The following KHDRBS2 variants were observed in gnomAD, a reference collection of about 807,000 sequenced individuals.
KHDRBS2 encodes KH domain-containing, RNA-binding, signal transduction-associated protein 2.
Under a neutral mutation model 44.3 loss-of-function variants are expected in KHDRBS2, and 26 were observed. The observed-to-expected ratio is 0.59, with a 90% CI of 0.43 to 0.81. The LOEUF (loss-of-function observed/expected upper bound fraction) is 0.81. Among genes scored for constraint, KHDRBS2 ranks in the 40% least tolerant of loss-of-function variants. The pLI, the probability that KHDRBS2 is intolerant of heterozygous loss-of-function variation, is 0.00. For missense variants in KHDRBS2, 476 were observed against 433.1 expected (o/e 1.10, Z -0.88); for synonymous variants, 194 against 151.1 (o/e 1.28, Z -2.08).
At chr6:62,020,845 A>G (rs554599688) in intron 3 of KHDRBS2, among the ~76,000 whole-genome samples, 1 of 152,104 alleles carries the variant, frequency 6.6e-6, no homozygotes, top group African/African-American at 2.4e-5. Context: ...TCAGAGGCTT[A>G]AAACAGAACT....
At chr6:61,859,208 G>A (rs747440657) in intron 6 of KHDRBS2, among the ~76,000 whole-genome samples, 1 of 151,880 alleles carries the variant, frequency 6.6e-6, no homozygotes, top group Non-Finnish European at 1.5e-5. Context: ...ATTCTGGAAA[G>A]TATGTTAATG....
the KHDRBS2 span, among the ~76,000 whole-genome samples, chr6:61,568,718 T>C: frequency 6.6e-6 from 1 of 152,114 alleles, no homozygotes; most frequent in East Asian, 1.9e-4. Flanking sequence ...GTGTGAAATA[T>C]AAAAGTAGAA....
intron 4 of KHDRBS2, among the ~76,000 whole-genome samples, chr6:61,932,665 TGGTGGGCACCTGTATTCCCAGCTACTC>T (rs1438919950): frequency 6.6e-6 from 1 of 152,066 alleles, no homozygotes; most frequent in Non-Finnish European, 1.5e-5. Context: ...CCGGGCGTGG[TGGTGGGCACCTGTATTCCCAGCTACTC>T]GGGAGGCAGG....
chr6:61,630,749 T>C, the KHDRBS2 span, among the ~76,000 whole-genome samples: 1 of 152,126 alleles, frequency 6.6e-6, no homozygotes, highest in East Asian at 1.9e-4. Context: ...GGGAAAGATT[T>C]CATCACATTG....
chr6:62,008,965 C>A (rs1053755250), intron 3 of KHDRBS2, among the ~76,000 whole-genome samples: 2 of 151,866 alleles, frequency 1.3e-5, no homozygotes, highest in African/African-American at 2.4e-5. Context: ...TAAATTGGTG[C>A]CAGTAGAGTG....
rs1776519434 is a variant in KHDRBS2, at chr6:61,993,446, T to C, written c.337-15234A>G. On this transcript the variant is annotated intron_variant, in intron 3 of 8. Coordinates refer to ENST00000281156, the MANE Select transcript of KHDRBS2 (RefSeq NM_152688.4). Reference sequence around the variant, plus strand: ...GTATTTGTCCTATAGAACTGATAATTATAGAAGAGATATAAAAATATTAAT... The same window carrying C: ...GTATTTGTCCTATAGAACTGATAATCATAGAAGAGATATAAAAATATTAAT... 2.0e-5 allele frequency among the ~76,000 whole-genome samples: 3 copies of C among 151,714 alleles called. No individual in the cohort carries two copies. The South Asian group carries it at 6.3e-4, about 32-fold the overall frequency.
the KHDRBS2 span, among the ~76,000 whole-genome samples, chr6:61,613,269 C>T: frequency 2.0e-5 from 3 of 152,158 alleles, no homozygotes; most frequent in African/African-American, 7.2e-5. Context: ...AACTTCTGCT[C>T]CTAAAATGGT....
chr6:61,892,960 C>T (rs1249456429), intron 6 of KHDRBS2, among the ~76,000 whole-genome samples: 1 of 151,964 alleles, frequency 6.6e-6, no homozygotes, highest in Non-Finnish European at 1.5e-5. Context: ...TCAGAGTGAA[C>T]AGGCAACTGA....
At chr6:62,054,214 C>T (rs905088118) in intron 2 of KHDRBS2, among the ~76,000 whole-genome samples, 4 of 151,942 alleles carry the variant, frequency 2.6e-5, no homozygotes, top group African/African-American at 9.7e-5. Context: ...CCAAGAAGAG[C>T]CAAAACCATT....
intron 6 of KHDRBS2, among the ~76,000 whole-genome samples, chr6:61,881,949 T>C (rs1014269942): frequency 6.6e-6 from 1 of 152,044 alleles, no homozygotes; most frequent in African/African-American, 2.4e-5. Context: ...TATTGCAGTA[T>C]AAATGGCCTC....
intron 1 of KHDRBS2, among the ~76,000 whole-genome samples, chr6:62,219,039 ATTAC>A (rs1211939895): frequency 6.6e-6 from 1 of 151,772 alleles, no homozygotes; most frequent in East Asian, 1.9e-4. Flanking sequence ...GTAATGAGAA[ATTAC>A]TTAATAGGTT....
At chr6:62,091,099 G>A (rs896314413) in intron 2 of KHDRBS2, among the ~76,000 whole-genome samples, 1 of 152,040 alleles carries the variant, frequency 6.6e-6, no homozygotes, top group East Asian at 1.9e-4. Flanking sequence ...ATACTATCTG[G>A]GTGCCTGATT....
intron 2 of KHDRBS2, among the ~76,000 whole-genome samples, chr6:62,112,211 T>G (rs1425577487): frequency 6.6e-6 from 1 of 152,132 alleles, no homozygotes; most frequent in Non-Finnish European, 1.5e-5. Context: ...AACTCTATAG[T>G]TAAACTAAGC....
chr6:61,922,148 G>A (rs1468199622), intron 4 of KHDRBS2, among the ~76,000 whole-genome samples: 2 of 151,900 alleles, frequency 1.3e-5, no homozygotes, highest in African/African-American at 4.8e-5. Flanking sequence ...TATGCTTCCA[G>A]TCAAGATGGA....
chr6:61,929,523 C>T (rs1343450750), intron 4 of KHDRBS2, among the ~76,000 whole-genome samples: 2 of 152,114 alleles, frequency 1.3e-5, no homozygotes, highest in Non-Finnish European at 2.9e-5. Context: ...TTTAGTAAGA[C>T]CCCCCTCAGT....
At chr6:61,761,118 T>G (rs1460449696) in intron 6 of KHDRBS2, among the ~76,000 whole-genome samples, 1 of 152,212 alleles carries the variant, frequency 6.6e-6, no homozygotes, top group East Asian at 1.9e-4. Flanking sequence ...ATTTCTGTTG[T>G]CTTTTAGGTA....
At chr6:61,973,580 C>A (rs567687790) in intron 4 of KHDRBS2, among the ~76,000 whole-genome samples, 15 of 152,112 alleles carry the variant, frequency 9.9e-5, no homozygotes, top group Admixed American at 4.6e-4. Flanking sequence ...AGACACACAT[C>A]CAACTAATGC....
At chr6:62,169,159 G>GTATATATGTATATA (rs1491102372) in intron 2 of KHDRBS2, among the ~76,000 whole-genome samples, 127 of 50,222 alleles carry the variant, frequency 2.5e-3, no homozygotes, top group Non-Finnish European at 4.4e-3. Context: ...GTATATATAC[G>GTATATATGTATATA]TACACATATA....
At chr6:61,944,031 T>A (rs1406302412) in intron 4 of KHDRBS2, among the ~76,000 whole-genome samples, 1 of 151,942 alleles carries the variant, frequency 6.6e-6, no homozygotes, top group African/African-American at 2.4e-5. Flanking sequence ...GCTGGTGAGG[T>A]TGTGGAGAAG....
Sources: allele counts gnomAD v4.1 joint callset (sites outside exome capture counted in the v4.1 genomes callset), GRCh38; gene constraint gnomAD v4.1.1; transcripts MANE v1.5; gene names NCBI Gene and HGNC (gene_info 2026-07-23, HGNC 2026-07-21).